Variants in PNKP observed in about 807,000 individuals in gnomAD.
PNKP encodes bifunctional polynucleotide phosphatase/kinase.
Under a neutral mutation model 66.2 loss-of-function variants are expected in PNKP, and 82 were observed. The ratio of observed to expected loss-of-function variants is 1.24; its 90% CI spans 1.04 to 1.49. The LOEUF is 1.49. Among genes scored for constraint, PNKP ranks in the 40% most tolerant of loss-of-function variants. The pLI, the probability that PNKP is intolerant of heterozygous loss-of-function variation, is 0.00. For synonymous variants in PNKP, 412 were observed against 298.9 expected, an observed-to-expected ratio of 1.38 and a Z score of -3.90; for missense variants, 907 against 706.8, an observed-to-expected ratio of 1.28 and a Z score of -3.21.
chr19:49,861,761 GGTC>G lies in PNKP; in HGVS notation c.1298+8_1298+10del. On this transcript the variant is annotated splice_region_variant and intron_variant, in intron 14 of 16. Transcript: ENST00000322344. ...CGCCGCAGGCCACCTACGGCCCCGC[GGTC>G]ACGCTACCTGGCGCGGCTCGCGGCG... The G allele has an allele frequency of 1.3e-6, 2 of 1,564,434 alleles. No homozygotes were observed. Among genetic ancestry groups the G allele is most frequent in the South Asian group, 2.3e-5 (2 of 85,578 alleles).
At position 49,862,381 on chromosome 19, in the gene PNKP, G is replaced by C. The variant is rs758602427; in HGVS notation, c.1019C>G (p.Ala340Gly). 1 of 1,551,242 alleles carries C rather than the reference G, an allele frequency of 6.4e-7. No individual in the cohort carries two copies. The highest frequency in any genetic ancestry group is 2.4e-5 in the East Asian group (1 of 41,140). Residue 340 changes from alanine (A) to glycine (G), a missense_variant, in exon 11 of 17, where the codon GCC becomes GGC. Coordinates refer to ENST00000322344, the MANE Select transcript of PNKP (RefSeq NM_007254.4). The stretch of plus-strand genomic sequence containing the variant: ...GCCCCAGGGCCTCACCGGATCAAAG[G>C]CTGGGAGCTCGAAGCCGGCTGCTGG... Reference protein sequence around the residue: ...KWPAAGFELPAFDPRTVSRSG... With the variant: ...KWPAAGFELPGFDPRTVSRSG...
At position 49,864,342 on chromosome 19, in the gene PNKP, G is replaced by T. The variant is rs2074802639; in HGVS notation, c.560C>A (p.Thr187Asn). ...TTATCACCTCCAGTCACTGGGGCCA[G>T]TGGGAAAGACCTTCCCAGAGCGTGT... ...ITTRSGKVFP[T>N]GPSDWRILYP... is the part of the protein sequence containing the mutation. Residue 187 changes from threonine to asparagine, a missense_variant, in exon 5 of 17, where the codon ACT (threonine) becomes AAT (asparagine). By Grantham distance (65) the Thr-to-Asn change is moderately conservative. Coordinates refer to ENST00000322344, the MANE Select transcript of PNKP (RefSeq NM_007254.4). 6.2e-7 allele frequency: 1 copy of T among 1,613,760 alleles called. No individual in the cohort carries two copies. The highest frequency in any genetic ancestry group is 1.3e-5 in the African/African-American group (1 of 75,048).
In PNKP at chr19:49,861,323, G is replaced by A. The variant is rs116192442; in HGVS notation, c.1491C>T (p.Ala497=). The A allele has an allele frequency of 4.5e-4, 730 of 1,614,150 alleles. 2 individuals carry two copies. Among genetic ancestry groups the A allele is most frequent in the African/African-American group, 3.5e-3 (262 of 75,034 alleles). Residue 497 remains alanine, a synonymous_variant, in exon 17 of 17, where the codon GCC becomes GCT. Coordinates refer to ENST00000322344, the MANE Select transcript of PNKP (RefSeq NM_007254.4). ...EAPTLAEGFS[A]ILEIPFRLWV... is the part of the protein sequence containing the mutation. ...ATAGCCGGAACGGGATCTCCAGGAT[G>A]GCAGAGAAGCCTTCAGCCAGCGTTG...
rs1161581552 is a variant in PNKP at position 49,861,376 on chromosome 19, T to C, written c.1449-11A>G. 1.2e-6 allele frequency: 2 copies of C among 1,613,536 alleles called. No individual in the cohort carries two copies. Among genetic ancestry groups the C allele is most frequent in the African/African-American group, 1.3e-5 (1 of 74,890 alleles). ...GCCTCGAACTGCTTCCTGGCAGTGG[T>C]GGGAACAGTGAGGGACAGCCTGGAT... is the stretch of plus-strand genomic sequence containing the variant. On this transcript the variant is annotated splice_polypyrimidine_tract_variant and intron_variant, in intron 16 of 16. Coordinates refer to ENST00000322344, the MANE Select transcript of PNKP (RefSeq NM_007254.4).
In PNKP at chr19:49,862,208, A is replaced by G. The variant is rs756933064; in HGVS notation, c.1103T>C (p.Val368Ala). ...ACCCCCAGGGAATCCCACTGCGACA[A>G]CCACCTCCGGGCTGGCGCTCAGGAG... is the stretch of plus-strand genomic sequence containing the variant. Reference protein sequence around the residue: ...RALLSASPEVVVAVGFPGAGK... With the variant: ...RALLSASPEVAVAVGFPGAGK... The change falls in exon 12 of 17, where the codon GTT (valine) becomes GCT (alanine). Residue 368 changes from valine (V) to alanine (A), a missense_variant. By Grantham distance (64) the Val-to-Ala change is moderately conservative. Coordinates refer to ENST00000322344, the MANE Select transcript of PNKP (RefSeq NM_007254.4). 1.2e-6 allele frequency: 2 copies of G among 1,613,354 alleles called. No homozygotes were observed. The highest frequency in any genetic ancestry group is 4.5e-5 in the East Asian group (2 of 44,868).
chr19:49,863,905 A>T (rs2122334004), intron 7 of PNKP, 59 bp downstream of exon 7: 1 of 1,463,768 alleles, frequency 6.8e-7, no homozygotes, highest in South Asian at 1.2e-5. Flanking sequence ...TGGAGTCTAA[A>T]GCCCTCGCTC....
rs2074830472 is a variant in PNKP, at chr19:49,867,453, C to T, written c.-14+16G>A. On this transcript the variant is annotated intron_variant, in intron 1 of 16. Transcript: ENST00000322344. ...CAGAGAGCCTCGCACATGCCTCCGC[C>T]CCGCCCCGTACTCACCCGGGACCGC... The T allele has an allele frequency of 3.3e-5, 19 of 572,068 alleles. No individual in the cohort carries two copies. In the East Asian group the frequency reaches 5.6e-4, roughly 17 times the overall value. 35.4% of individuals were successfully genotyped at this position (572,068 alleles called of 1,614,324 possible).
Position 49,861,253 on chromosome 19 carries a change from C to CCAGCTGTA in PNKP, c.1560_1561insTACAGCTG (p.Gly521TyrfsTer?). The CCAGCTGTA allele has an allele frequency of 6.3e-7, 1 of 1,593,968 alleles. No homozygotes were observed. Among genetic ancestry groups the CCAGCTGTA allele is most frequent in the Non-Finnish European group, 8.6e-7 (1 of 1,161,924 alleles). On this transcript the variant is annotated frameshift_variant, in exon 17 of 17. Transcript: ENST00000322344. LOFTEE classifies it high-confidence loss of function. Reference sequence around the variant, plus strand: ...GGAGGGGAGCTGGGCGGGGCTCAGCCCTCGGAGAACTGGCAGTACAGCCGC... The same window carrying CCAGCTGTA: ...GGAGGGGAGCTGGGCGGGGCTCAGCCCAGCTGTACTCGGAGAACTGGCAGTACAGCCGC...
chr19:49,861,302 C>T lies in PNKP; in HGVS notation c.1512G>A (p.Arg504=). Residue 504 remains arginine, a synonymous_variant, in exon 17 of 17, where the codon CGG becomes CGA. Transcript: ENST00000322344. ...GFSAILEIPF[R]LWVEPRLGRL... ...GCCCCAGCCTCGGCTCCACCCATAG[C>T]CGGAACGGGATCTCCAGGATGGCAG... is the stretch of plus-strand genomic sequence containing the variant. The T allele has an allele frequency of 6.2e-7, 1 of 1,614,102 alleles. No individual in the cohort carries two copies. The highest frequency in any genetic ancestry group is 1.1e-5 in the South Asian group (1 of 91,084).
intron 3 of PNKP, 135 bp from the exon 4 acceptor site, chr19:49,865,561 G>A (rs574268268): frequency 1.2e-4 from 74 of 635,300 alleles, no homozygotes; most frequent in Admixed American, 4.9e-4. Context: ...ACTTTGGAAC[G>A]GGCTTTGGAA....
rs1334243225 is a variant in PNKP at position 49,867,045 on chromosome 19, C to T, written c.151+9G>A. ...AGGCCACACCCCCTCCAGCTCAGGC[C>T]CCGCTCACCTTGAGTTCTGGAGCAC... On this transcript the variant is annotated intron_variant, in intron 2 of 16. Coordinates refer to ENST00000322344, the MANE Select transcript of PNKP (RefSeq NM_007254.4). The T allele has an allele frequency of 5.0e-6, 8 of 1,613,678 alleles. No individual in the cohort carries two copies. The highest frequency in any genetic ancestry group is 6.8e-6 in the Non-Finnish European group (8 of 1,179,738).
chr19:49,861,783 C>CGCGGCGTCTGGGTTTGTG lies in PNKP; in HGVS notation c.1269_1286dup (p.Thr424_Ala429dup). The CGCGGCGTCTGGGTTTGTG allele has an allele frequency of 6.4e-7, 1 of 1,565,958 alleles. No individual in the cohort carries two copies. The highest frequency in any genetic ancestry group is 8.6e-7 in the Non-Finnish European group (1 of 1,158,164). On this transcript the variant is annotated inframe_insertion, in exon 14 of 17. Transcript: ENST00000322344. ...CGCGGTCACGCTACCTGGCGCGGCT[C>CGCGGCGTCTGGGTTTGTG]GCGGCGTCTGGGTTTGTGTTGTCGA...
chr19:49,862,185 C>A lies in PNKP; in HGVS notation c.1126G>T (p.Ala376Ser). ...EVVVAVGFPGAGKSTFLKKHL... is the reference protein window; with the variant it reads ...EVVVAVGFPGSGKSTFLKKHL... ...ACGCGCACAGGAACAGGACACTTAC[C>A]CCCAGGGAATCCCACTGCGACAACC... The change falls in exon 12 of 17, where the codon GCC becomes TCC. Residue 376 changes from alanine to serine, a missense_variant and splice_region_variant. Transcript: ENST00000322344. The A allele has an allele frequency of 6.2e-7, 1 of 1,613,898 alleles. No individual in the cohort carries two copies. Among genetic ancestry groups the A allele is most frequent in the Non-Finnish European group, 8.5e-7 (1 of 1,179,852 alleles).
In PNKP at chr19:49,862,042, AC is replaced by A. The variant is rs1462821802; in HGVS notation, c.1188+1del. On this transcript the variant is annotated splice_donor_variant, in intron 13 of 16. Coordinates refer to ENST00000322344, the MANE Select transcript of PNKP (RefSeq NM_007254.4). LOFTEE classifies it high-confidence loss of function. ...TTTGGGGCGGCAAAAGCCTGGTCAT[AC>A]CCTGTTCACGTGGACATATCCGGCC... The A allele has an allele frequency of 3.7e-6, 6 of 1,613,936 alleles. No homozygotes were observed. The highest frequency in any genetic ancestry group is 5.1e-6 in the Non-Finnish European group (6 of 1,179,936).
At position 49,866,330 on chromosome 19, in the gene PNKP, C is replaced by T. The variant is rs2074820296; in HGVS notation, c.198+69G>A. The T allele has an allele frequency of 2.1e-6, 3 of 1,433,920 alleles. No individual in the cohort carries two copies. In the East Asian group the frequency reaches 6.8e-5, roughly 33 times the overall value. The allele number at this position is 1,433,920 out of a possible 1,614,324, so 88.8% of individuals were successfully genotyped here. On this transcript the variant is annotated intron_variant, in intron 3 of 16. Coordinates refer to ENST00000322344, the MANE Select transcript of PNKP (RefSeq NM_007254.4). Reference sequence around the variant, plus strand: ...CAGATTTTCCTAATGTACCCCTTCACTGACGGCTTGCAATTCCTCCCCAAA... The same window carrying T: ...CAGATTTTCCTAATGTACCCCTTCATTGACGGCTTGCAATTCCTCCCCAAA...
At chr19:49,866,710 G>A (rs1003966736) in intron 2 of PNKP, 1 of 607,042 alleles carries the variant, frequency 1.6e-6, no homozygotes, top group Non-Finnish European at 3.0e-6. Context: ...ATAGGTCCGG[G>A]GCTTGGCCTG....
At chr19:49,862,495 C>A (rs769759054) in intron 10 of PNKP, 32 bp from the exon 11 acceptor site, 1 of 1,597,544 alleles carries the variant, frequency 6.3e-7, no homozygotes, top group Non-Finnish European at 8.5e-7. Flanking sequence ...CAGACACAGG[C>A]CAGGGTCGGG....
Position 49,863,689 on chromosome 19 carries a change from CTGCT to C in PNKP, c.812_815del (p.Glu271GlyfsTer90). ...GGGCCGGGCAGGCTGCAAGACTCAC[CTGCT>C]CCTGCAGATGGTCCCACATGCCCGT... On this transcript the variant is annotated frameshift_variant and splice_region_variant, in exon 8 of 17. Transcript: ENST00000322344. LOFTEE classifies it high-confidence loss of function. 1 of 1,552,978 alleles carries C rather than the reference CTGCT, an allele frequency of 6.4e-7. No homozygotes were observed. Among genetic ancestry groups the C allele is most frequent in the Non-Finnish European group, 8.7e-7 (1 of 1,147,324 alleles).
At chr19:49,866,604 G>C (rs986535353) in intron 2 of PNKP, 159 bp from the exon 3 acceptor site, 1 of 741,338 alleles carries the variant, frequency 1.3e-6, no homozygotes, top group Non-Finnish European at 2.5e-6. Context: ...GCCAGATAGT[G>C]GCACTAGGAT....
Sources: gnomAD v4.1 joint callset for allele counts on GRCh38, gnomAD v4.1.1 for gene constraint, MANE v1.5 for transcripts, NCBI Gene and HGNC (gene_info 2026-07-23, HGNC 2026-07-21) for gene names.